The following NEK10 variants were observed in gnomAD, a reference collection of about 807,000 sequenced individuals.
NEK10 encodes the protein NIMA related kinase 10.
In NEK10, 122 loss-of-function variants were observed where a neutral mutation model predicts 159.8. The ratio of observed to expected loss-of-function variants is 0.76; its 90% CI spans 0.66 to 0.89. The LOEUF (loss-of-function observed/expected upper bound fraction) is 0.89. Among genes scored for constraint, NEK10 ranks in the 40% least tolerant of loss-of-function variants. The pLI, the probability that NEK10 is intolerant of heterozygous loss-of-function variation, is 0.00. For missense variants in NEK10, 1,342 were observed against 1,323.1 expected (o/e 1.01, Z -0.22); for synonymous variants, 466 against 457.1 (o/e 1.02, Z -0.25).
At chr3:27,271,161 A>G (rs1431002740) in intron 22 of NEK10, among the ~76,000 whole-genome samples, 1 of 136,380 alleles carries the variant, frequency 7.3e-6, no homozygotes, top group Non-Finnish European at 1.7e-5. Context: ...CTATCTATCT[A>G]TCTATCTATC....
intron 5 of NEK10, among the ~76,000 whole-genome samples, chr3:27,332,306 G>GA (rs1440808065): frequency 1.3e-5 from 2 of 152,028 alleles, no homozygotes; most frequent in Non-Finnish European, 2.9e-5. Context: ...CACTTTTTCT[G>GA]AAAAAATATT....
rs753762975 is a variant in NEK10, at chr3:27,119,876, A to G, written c.3082-8T>C. 4 of 1,603,530 alleles carry G rather than the reference A, an allele frequency of 2.5e-6. No homozygotes were observed. The East Asian group carries it at 8.9e-5, about 36-fold the overall frequency. ...TGGAGATCCCTGAGATAACTGAAAT[A>G]GAAAAAGCAAAATCACATCTTAGTT... is the stretch of plus-strand genomic sequence containing the variant. On this transcript the variant is annotated splice_polypyrimidine_tract_variant and splice_region_variant and intron_variant, in intron 32 of 35. Transcript: ENST00000691995.
chr3:27,233,625 G>T (rs1161993630), intron 23 of NEK10, among the ~76,000 whole-genome samples: 1 of 151,886 alleles, frequency 6.6e-6, no homozygotes, highest in East Asian at 1.9e-4. Context: ...CAATTGCAAA[G>T]ATATGAAACC....
chr3:27,196,861 CA>C (rs1949604928), intron 25 of NEK10, among the ~76,000 whole-genome samples: 1 of 152,128 alleles, frequency 6.6e-6, no homozygotes, highest in African/African-American at 2.4e-5. Flanking sequence ...CAACAGACAA[CA>C]GGAACAAATC....
At chr3:27,302,777 T>TC (rs1273312689) in intron 12 of NEK10, among the ~76,000 whole-genome samples, 1 of 152,182 alleles carries the variant, frequency 6.6e-6, no homozygotes, top group Non-Finnish European at 1.5e-5. Context: ...TCCACTAGTG[T>TC]CCTCCCTGCA....
chr3:27,160,913 T>C (rs1945960089), intron 30 of NEK10, among the ~76,000 whole-genome samples: 1 of 152,014 alleles, frequency 6.6e-6, no homozygotes, highest in South Asian at 2.1e-4. Flanking sequence ...CTCAAAAAAA[T>C]AAAAAATGCT....
intron 1 of NEK10, among the ~76,000 whole-genome samples, chr3:27,353,499 T>G (rs1178786545): frequency 6.6e-6 from 1 of 152,198 alleles, no homozygotes; most frequent in Admixed American, 6.5e-5. Flanking sequence ...GGCATTTCAC[T>G]TCCACTGAAT....
At position 27,346,175 on chromosome 3, in the gene NEK10, C is replaced by T. The variant is rs2047539155; in HGVS notation, c.174G>A (p.Thr58=). The change falls in exon 4 of 36, where the codon ACG becomes ACA. Residue 58 remains threonine (T), a synonymous_variant. Transcript: ENST00000691995. ...CCGCCCTGATGGCGGGCTCAGACTT[C>T]GTCATGCTATTTTGGGCACTATCGA... ...INFDSAQNSM[T]KSEPAIRAGG... is the part of the protein sequence containing the mutation. 1.2e-6 allele frequency: 2 copies of T among 1,613,666 alleles called. No individual in the cohort carries two copies. Among genetic ancestry groups the T allele is most frequent in the Non-Finnish European group, 1.7e-6 (2 of 1,179,658 alleles).
chr3:27,131,328 C>G (rs1308899522), intron 32 of NEK10, among the ~76,000 whole-genome samples: 1 of 152,064 alleles, frequency 6.6e-6, no homozygotes, highest in East Asian at 1.9e-4. Context: ...TTTTGTTAAC[C>G]AGAGGTAAAC....
At chr3:27,166,195 T>C (rs924428559) in intron 29 of NEK10, among the ~76,000 whole-genome samples, 3 of 152,156 alleles carry the variant, frequency 2.0e-5, no homozygotes, top group African/African-American at 2.4e-5. Flanking sequence ...TAAGCAACAT[T>C]ATGTAGCTTT....
rs991378669 is a variant in NEK10, at chr3:27,290,726, A to G, written c.1634T>C (p.Leu545Ser). 2 of 1,608,582 alleles carry G rather than the reference A, an allele frequency of 1.2e-6. No individual in the cohort carries two copies. The highest frequency in any genetic ancestry group is 1.7e-6 in the Non-Finnish European group (2 of 1,176,446). Residue 545 changes from leucine to serine, a missense_variant, in exon 19 of 36, where the codon TTA becomes TCA. Coordinates refer to ENST00000691995, the MANE Select transcript of NEK10 (RefSeq NM_001394966.1). Reference protein sequence around the residue: ...KVRKHSGQNLLAMKEVNLHNP... With the variant: ...KVRKHSGQNLSAMKEVNLHNP... Reference sequence around the variant, plus strand: ...ATGTAAATTGACCTCTTTCATTGCTAAAAGATTTTGACCACTATGCTTTCT... The same window carrying G: ...ATGTAAATTGACCTCTTTCATTGCTGAAAGATTTTGACCACTATGCTTTCT...
Position 27,116,089 on chromosome 3 carries a change from A to G in NEK10, c.3229T>C (p.Tyr1077His). The part of the protein sequence containing the change: ...TSIELEEGIT[Y>H]EQMQTVIEEV... ...AAAAACCTCACCTGCATCTGTTCAT[A>G]TGTTATTCCTTCCTCCAATTCAATG... The change falls in exon 34 of 36, where the codon TAT becomes CAT. Residue 1077 changes from tyrosine (Y) to histidine (H), a missense_variant. Transcript: ENST00000691995. 1 of 1,613,644 alleles carries G rather than the reference A, an allele frequency of 6.2e-7. No homozygotes were observed. The highest frequency in any genetic ancestry group is 8.5e-7 in the Non-Finnish European group (1 of 1,179,764).
intron 26 of NEK10, among the ~76,000 whole-genome samples, chr3:27,186,136 A>G (rs1948599497): frequency 6.6e-6 from 1 of 152,208 alleles, no homozygotes; most frequent in Non-Finnish European, 1.5e-5. Flanking sequence ...GGTTCAAAAT[A>G]TAGGTCTGGC....
rs557582683 is a variant in NEK10, at chr3:27,366,174, C to T, written c.-38+3051G>A. On this transcript the variant is annotated intron_variant, in intron 1 of 35. Transcript: ENST00000691995. ...TCTAAGAAATTTTTCCATATTAATT[C>T]ATGTAATGTTCACAACCACCCCATT... 2.0e-5 allele frequency among the ~76,000 whole-genome samples: 3 copies of T among 152,190 alleles called. No homozygotes were observed. The East Asian group carries it at 5.8e-4, about 29-fold the overall frequency.
intron 23 of NEK10, among the ~76,000 whole-genome samples, chr3:27,240,789 T>C (rs1469299485): frequency 6.6e-6 from 1 of 151,894 alleles, no homozygotes; most frequent in Non-Finnish European, 1.5e-5. Flanking sequence ...GTAGATGAGA[T>C]TAAAGGTGTG....
At chr3:27,255,885 G>T (rs1466241947) in intron 23 of NEK10, among the ~76,000 whole-genome samples, 1 of 152,094 alleles carries the variant, frequency 6.6e-6, no homozygotes, top group Non-Finnish European at 1.5e-5. Context: ...TCCTTGCCCT[G>T]CACTTGAATG....
chr3:27,145,221 G>A (rs1017105329), intron 30 of NEK10, among the ~76,000 whole-genome samples: 12 of 152,010 alleles, frequency 7.9e-5, no homozygotes, highest in Middle Eastern at 3.4e-3. Context: ...AGAGACATCG[G>A]TGAGGCTGAT....
At chr3:27,204,562 T>A (rs1304591110) in intron 23 of NEK10, among the ~76,000 whole-genome samples, 20 of 125,038 alleles carry the variant, frequency 1.6e-4, no homozygotes, top group African/African-American at 3.3e-4. Flanking sequence ...ATGCAGTGTT[T>A]GGTTTTTTGT....
At chr3:27,246,187 T>C (rs531777157) in intron 23 of NEK10, among the ~76,000 whole-genome samples, 2 of 152,162 alleles carry the variant, frequency 1.3e-5, no homozygotes, top group Non-Finnish European at 2.9e-5. Context: ...AAATGCATAA[T>C]GTACAATGGC....
Sources: allele counts gnomAD v4.1 joint callset (sites outside exome capture counted in the v4.1 genomes callset), GRCh38; gene constraint gnomAD v4.1.1; transcripts MANE v1.5; gene names NCBI Gene and HGNC (gene_info 2026-07-23, HGNC 2026-07-21).